Variants in TTLL7 observed in about 807,000 individuals in gnomAD.
TTLL7 encodes tubulin tyrosine ligase like 7, also known as tubulin polyglutamylase TTLL7.
A neutral mutation model predicts 120.2 loss-of-function variants in TTLL7; 53 were observed. That is an observed-to-expected ratio of 0.44 (90% CI 0.35 to 0.55). TTLL7 has a LOEUF of 0.55. Among genes scored for constraint, TTLL7 ranks in the 20% least tolerant of loss-of-function variants. The pLI, the probability that TTLL7 is intolerant of heterozygous loss-of-function variation, is 0.00. For synonymous variants in TTLL7, 353 were observed against 351.7 expected (o/e 1.00, Z -0.04); for missense variants, 803 against 1,054.7 (o/e 0.76, Z 3.31).
chr1:83,980,003 C>T (rs2100600115), intron 1 of TTLL7: 1 of 152,340 alleles, frequency 6.6e-6, no homozygotes, highest in South Asian at 2.1e-4. Context: ...AGCCAATCTT[C>T]TGGAATGCTT....
chr1:83,895,956 T>C (rs906498689), intron 18 of TTLL7, among the ~76,000 whole-genome samples: 2 of 152,068 alleles, frequency 1.3e-5, no homozygotes, highest in Non-Finnish European at 2.9e-5. Context: ...TAGAAGGCTA[T>C]ACAGATGGGG....
At position 83,919,681 on chromosome 1, in the gene TTLL7, A is replaced by G. The variant is rs1658483192; in HGVS notation, c.1500+18T>C. 5.0e-6 allele frequency: 8 copies of G among 1,599,876 alleles called. No individual in the cohort carries two copies. Among genetic ancestry groups the G allele is most frequent in the Middle Eastern group, 2.0e-4 (1 of 5,088 alleles). On this transcript the variant is annotated intron_variant, in intron 13 of 20. Coordinates refer to ENST00000260505, the MANE Select transcript of TTLL7 (RefSeq NM_024686.6). ...TAGCTTTATTCTTTTTTCTCTATAT[A>G]AACATTCATTCTCTTACCTTCATCC...
At chr1:83,989,934 TG>T (rs1652826358) in intron 1 of TTLL7, among the ~76,000 whole-genome samples, 1 of 152,030 alleles carries the variant, frequency 6.6e-6, no homozygotes, top group Non-Finnish European at 1.5e-5. Context: ...TTATTGATGT[TG>T]GGGATTTTTT....
intron 18 of TTLL7, among the ~76,000 whole-genome samples, chr1:83,892,757 T>C (rs554479730): frequency 2.0e-5 from 3 of 151,072 alleles, no homozygotes; most frequent in African/African-American, 7.3e-5. Flanking sequence ...TATGTGAACA[T>C]ATATATGAGC....
At chr1:83,998,236 G>A (rs1159634323) in intron 1 of TTLL7, among the ~76,000 whole-genome samples, 1 of 152,108 alleles carries the variant, frequency 6.6e-6, no homozygotes, top group Non-Finnish European at 1.5e-5. Context: ...TCTGGATTAT[G>A]ATGATTTAAT....
intron 18 of TTLL7, chr1:83,900,096 T>TA: frequency 2.4e-6 from 1 of 410,844 alleles, no homozygotes; most frequent in Admixed American, 3.0e-5. Context: ...ACATGTCATT[T>TA]AATCATCCCA....
intron 1 of TTLL7, among the ~76,000 whole-genome samples, chr1:83,997,043 A>T (rs1410848188): frequency 6.6e-6 from 1 of 151,932 alleles, no homozygotes; most frequent in Non-Finnish European, 1.5e-5. Flanking sequence ...CAAACTCAAG[A>T]CTCTTCACAA....
intron 13 of TTLL7, 116 bp from the exon 14 acceptor site, chr1:83,917,806 G>T (rs370404842): frequency 1.6e-5 from 11 of 689,732 alleles, no homozygotes; most frequent in African/African-American, 7.2e-5. Context: ...ATTTAGTGAA[G>T]ATTGCTCAGA....
chr1:83,959,066 A>G (rs1011282856), intron 1 of TTLL7, among the ~76,000 whole-genome samples: 3 of 149,928 alleles, frequency 2.0e-5, no homozygotes, highest in African/African-American at 7.6e-5. Context: ...TGATTGTGAA[A>G]TTATATATTA....
intron 20 of TTLL7, among the ~76,000 whole-genome samples, chr1:83,873,440 C>T (rs922457147): frequency 3.3e-5 from 5 of 152,098 alleles, no homozygotes; most frequent in African/African-American, 1.2e-4. Flanking sequence ...AAGACTATCT[C>T]ATGGAAGTGG....
At chr1:83,892,385 TATATACGA>T in intron 18 of TTLL7, among the ~76,000 whole-genome samples, 1 of 31,042 alleles carries the variant, frequency 3.2e-5, no homozygotes, top group Admixed American at 3.8e-4. Context: ...TATATGAATA[TATATACGA>T]ATATATATGA....
intron 1 of TTLL7, among the ~76,000 whole-genome samples, chr1:83,987,093 T>C (rs996677757): frequency 1.3e-5 from 2 of 151,974 alleles, no homozygotes; most frequent in African/African-American, 2.4e-5. Context: ...GAAATGGAAA[T>C]GAAAATTTAA....
At chr1:83,940,532 G>A (rs1230302477) in intron 7 of TTLL7, among the ~76,000 whole-genome samples, 1 of 152,062 alleles carries the variant, frequency 6.6e-6, no homozygotes, top group Admixed American at 6.6e-5. Flanking sequence ...ATCACAATGA[G>A]TAATACACCA....
At chr1:83,886,911 T>A (rs1655019888) in intron 19 of TTLL7, among the ~76,000 whole-genome samples, 1 of 152,198 alleles carries the variant, frequency 6.6e-6, no homozygotes, top group East Asian at 1.9e-4. Context: ...ACATGGTAGA[T>A]AATTTTATTT....
intron 19 of TTLL7, chr1:83,887,299 T>C: frequency 9.7e-7 from 1 of 1,034,482 alleles, no homozygotes; most frequent in Non-Finnish European, 1.3e-6. Context: ...GAAAGAAAGT[T>C]GAACCTTATA....
chr1:83,990,216 C>T (rs546161533), intron 1 of TTLL7, among the ~76,000 whole-genome samples: 100 of 148,688 alleles, frequency 6.7e-4, no homozygotes, highest in East Asian at 3.9e-3. Flanking sequence ...TCGCCCAGGC[C>T]GGACTGCGGA....
chr1:83,923,365 G>GA lies in TTLL7; in HGVS notation c.1143-1972dup, dbSNP rs201857085. Among the ~76,000 whole-genome samples the GA allele has an allele frequency of 1.1e-3, 164 of 143,918 alleles. 1 individual carries two copies. The South Asian group carries it at 0.014, about 12-fold the overall frequency. The allele number at this position is 143,918 out of a possible 152,430, so 94.4% of individuals were successfully genotyped here. ...AACAAAGACTAAACAATCCACAAGA[G>GA]AAAAAAAATAGAGGAAGCAAAAAAA... On this transcript the variant is annotated intron_variant, in intron 10 of 20. Transcript: ENST00000260505.
chr1:83,944,436 G>A (rs192734592), intron 6 of TTLL7, among the ~76,000 whole-genome samples: 1 of 152,330 alleles, frequency 6.6e-6, no homozygotes, highest in East Asian at 1.9e-4. Flanking sequence ...GCCGGGCACA[G>A]TGGCTTACAC....
At position 83,921,105 on chromosome 1, in the gene TTLL7, C is replaced by T. The variant is rs1242389413; in HGVS notation, c.1346G>A (p.Arg449Gln). 1.9e-6 allele frequency: 3 copies of T among 1,612,760 alleles called. No homozygotes were observed. The highest frequency in any genetic ancestry group is 1.7e-5 in the Admixed American group (1 of 59,846). The change falls in exon 12 of 21, where the codon CGA becomes CAA. Residue 449 changes from arginine to glutamine, a missense_variant. Physicochemically the swap from Arg to Gln is conservative, Grantham distance 43. This residue lies in a region of TTLL7 where 324 missense variants were observed against 507.7 expected (regional missense o/e 0.64). Transcript: ENST00000260505. ...CAGTTACCTATAATTCCCCATATGT[C>T]GATTTTCATGTTCTTCTCGTGAGAT... ...KQISREEHENRHMGNYRRIYP... is the reference protein window; with the variant it reads ...KQISREEHENQHMGNYRRIYP...
Sources: allele counts gnomAD v4.1 joint callset (sites outside exome capture counted in the v4.1 genomes callset), GRCh38; gene constraint gnomAD v4.1.1; regional missense constraint gnomAD v4.1.1; transcripts MANE v1.5; gene names NCBI Gene and HGNC (gene_info 2026-07-23, HGNC 2026-07-21).